MDGA2: variants seen among roughly 807,000 people sequenced by gnomAD.
The protein encoded by MDGA2 is MAM domain-containing glycosylphosphatidylinositol anchor protein 2.
In MDGA2, 40 loss-of-function variants were observed where a neutral mutation model predicts 117.8. The ratio of observed to expected loss-of-function variants is 0.34; its 90% CI spans 0.26 to 0.44. The LOEUF is 0.44. Among genes scored for constraint, MDGA2 ranks in the 20% least tolerant of loss-of-function variants. The pLI, the probability that MDGA2 is intolerant of heterozygous loss-of-function variation, is 1.00. For missense variants in MDGA2, 1,123 were observed against 1,250.6 expected (o/e 0.90, Z 1.54); for synonymous variants, 452 against 439.0 (o/e 1.03, Z -0.37).
Position 47,656,976 on chromosome 14 carries a change from G to T in MDGA2, c.280+17541C>A, listed in dbSNP as rs528144646. On this transcript the variant is annotated intron_variant, in intron 1 of 16. Transcript: ENST00000399232. ...AAAGCGATCCTTTGTACCTTTTCAG[G>T]ATACTTACTCTTAGAATCCTCACAC... 2.6e-5 allele frequency among the ~76,000 whole-genome samples: 4 copies of T among 152,182 alleles called. No individual in the cohort carries two copies. The South Asian group carries it at 8.3e-4, about 32-fold the overall frequency.
chr14:47,154,982 C>T (rs1389205184), intron 3 of MDGA2, among the ~76,000 whole-genome samples: 2 of 152,166 alleles, frequency 1.3e-5, no homozygotes, highest in African/African-American at 4.8e-5. Context: ...GCACTTCCTC[C>T]CCTCGGAAGC....
chr14:47,263,869 A>G (rs999587431), intron 2 of MDGA2, among the ~76,000 whole-genome samples: 3 of 152,320 alleles, frequency 2.0e-5, no homozygotes, highest in African/African-American at 7.2e-5. Context: ...AAAGAAAAAT[A>G]ACAATTGAAC....
At chr14:47,592,863 C>T (rs1370551276) in intron 1 of MDGA2, among the ~76,000 whole-genome samples, 1 of 152,100 alleles carries the variant, frequency 6.6e-6, no homozygotes, top group Non-Finnish European at 1.5e-5. Context: ...AAAGTAATTG[C>T]AACAAAAGTA....
At chr14:47,076,798 C>T (rs12586845) in intron 6 of MDGA2, among the ~76,000 whole-genome samples, 49,622 of 151,768 alleles carry the variant, frequency 0.33, 8,666 homozygotes, top group East Asian at 0.52. Context: ...TTTCTTGAAT[C>T]CACCCCCTTG....
chr14:47,350,428 G>C (rs1386103171), intron 1 of MDGA2, among the ~76,000 whole-genome samples: 1 of 152,180 alleles, frequency 6.6e-6, no homozygotes, highest in Non-Finnish European at 1.5e-5. Flanking sequence ...GACTCTAAGT[G>C]GGAGCCAAAA....
intron 9 of MDGA2, among the ~76,000 whole-genome samples, chr14:46,951,779 CCCAGAACAGAGGATCTAGCTAAG>C (rs1427458557): frequency 2.0e-5 from 3 of 151,912 alleles, no homozygotes; most frequent in African/African-American, 7.2e-5. Context: ...CCTTGTGAGA[CCCAGAACAGAGGATCTAGCTAAG>C]CCATGCTTGG....
At chr14:47,425,579 G>T (rs1892670793) in intron 1 of MDGA2, among the ~76,000 whole-genome samples, 1 of 152,046 alleles carries the variant, frequency 6.6e-6, no homozygotes, top group African/African-American at 2.4e-5. Flanking sequence ...GAAGTAAATT[G>T]TTTTCTGTTC....
intron 3 of MDGA2, among the ~76,000 whole-genome samples, chr14:47,173,125 GC>G (rs1161987763): frequency 6.6e-6 from 1 of 152,144 alleles, no homozygotes; most frequent in Non-Finnish European, 1.5e-5. Flanking sequence ...AACAAACAAA[GC>G]CTCCAAGACA....
chr14:47,322,564 A>G (rs1469458001), intron 1 of MDGA2, among the ~76,000 whole-genome samples: 1 of 152,164 alleles, frequency 6.6e-6, no homozygotes, highest in Non-Finnish European at 1.5e-5. Flanking sequence ...ATCCTTCAGG[A>G]GCAGTGCTAG....
chr14:47,174,437 T>C (rs1884338086), intron 3 of MDGA2, among the ~76,000 whole-genome samples: 1 of 152,106 alleles, frequency 6.6e-6, no homozygotes, highest in Non-Finnish European at 1.5e-5. Context: ...ACAGAAATTA[T>C]AACAAACTGT....
At chr14:47,082,908 TG>T (rs1890760084) in intron 6 of MDGA2, among the ~76,000 whole-genome samples, 1 of 151,468 alleles carries the variant, frequency 6.6e-6, no homozygotes, top group African/African-American at 2.4e-5. Flanking sequence ...AAGTTTACAA[TG>T]AAAAAAAATT....
chr14:46,946,515 C>A (rs1361349152), intron 9 of MDGA2, among the ~76,000 whole-genome samples: 1 of 151,926 alleles, frequency 6.6e-6, no homozygotes, highest in Admixed American at 6.6e-5. Flanking sequence ...GGCTAACAAG[C>A]AGGAATAAGT....
At chr14:46,848,336 C>T (rs956485162) in intron 15 of MDGA2, among the ~76,000 whole-genome samples, 12 of 151,896 alleles carry the variant, frequency 7.9e-5, no homozygotes, top group Admixed American at 7.2e-4. Flanking sequence ...TACACAATTG[C>T]TTTCACTTAG....
chr14:46,874,525 T>C (rs533400805), intron 12 of MDGA2, among the ~76,000 whole-genome samples: 1 of 151,928 alleles, frequency 6.6e-6, no homozygotes, highest in African/African-American at 2.4e-5. Context: ...CAACTTTCAT[T>C]TTGTCAGTAT....
At chr14:46,843,705 T>G (rs1160626742) in intron 16 of MDGA2, among the ~76,000 whole-genome samples, 5 of 152,272 alleles carry the variant, frequency 3.3e-5, no homozygotes, top group African/African-American at 1.2e-4. Flanking sequence ...ATTCAGTTCA[T>G]ATGAGTAATC....
At chr14:47,107,130 C>T (rs1205534390) in intron 5 of MDGA2, among the ~76,000 whole-genome samples, 1 of 149,636 alleles carries the variant, frequency 6.7e-6, no homozygotes, top group African/African-American at 2.5e-5. Flanking sequence ...CACCCCTTAC[C>T]ATCTCATTAA....
At chr14:47,436,571 C>T (rs1308860197) in intron 1 of MDGA2, among the ~76,000 whole-genome samples, 1 of 151,998 alleles carries the variant, frequency 6.6e-6, no homozygotes, top group African/African-American at 2.4e-5. Flanking sequence ...TTAGGGAAAC[C>T]ATAGAAAGTA....
chr14:47,498,655 T>C (rs1894333125), intron 1 of MDGA2, among the ~76,000 whole-genome samples: 1 of 152,164 alleles, frequency 6.6e-6, no homozygotes, highest in Admixed American at 6.5e-5. Flanking sequence ...ATAATGGCAT[T>C]ACTTAAATTG....
chr14:47,151,346 T>A (rs1016246778), intron 3 of MDGA2, among the ~76,000 whole-genome samples: 5 of 152,170 alleles, frequency 3.3e-5, no homozygotes. Flanking sequence ...TGAGGACAAC[T>A]CCATTAGAAG....
Sources: gnomAD v4.1 joint callset for allele counts (sites outside exome capture counted in the v4.1 genomes callset) on GRCh38, gnomAD v4.1.1 for gene constraint, MANE v1.5 for transcripts, NCBI Gene and HGNC (gene_info 2026-07-23, HGNC 2026-07-21) for gene names.